The following RELL1 variants were observed in gnomAD, a reference collection of about 807,000 sequenced individuals.
The protein encoded by RELL1 is RELT like 1, also known as RELT-like protein 1.
In RELL1, 10 loss-of-function variants were observed where a neutral mutation model predicts 23.0. That is an observed-to-expected ratio of 0.43 (90% confidence interval 0.27 to 0.74). The LOEUF is 0.74. Ranked by LOEUF, RELL1 falls within the 30% of genes least tolerant of loss-of-function variation. The probability of loss-of-function intolerance (pLI) is 0.19; values close to 1 mark genes in which losing one functional copy is unlikely to be tolerated. For missense variants in RELL1, 315 were observed against 364.4 expected (o/e 0.86, Z 1.10); for synonymous variants, 146 against 146.8 (o/e 0.99, Z 0.04).
intron 1 of RELL1, among the ~76,000 whole-genome samples, chr4:37,671,417 G>A (rs1433126703): frequency 6.6e-6 from 1 of 152,194 alleles, no homozygotes; most frequent in Non-Finnish European, 1.5e-5. Flanking sequence ...ATAAAAGGGT[G>A]TGGTAAAGAA....
At chr4:37,656,150 A>G (rs555176772) in intron 1 of RELL1, among the ~76,000 whole-genome samples, 1 of 152,368 alleles carries the variant, frequency 6.6e-6, no homozygotes, top group Admixed American at 6.5e-5. Flanking sequence ...GTGGCATATG[A>G]AAATGGAATA....
rs750997004 is a variant in RELL1 at position 37,649,485 on chromosome 4, C to G, written c.104G>C (p.Arg35Pro). The G allele has an allele frequency of 6.2e-7, 1 of 1,613,590 alleles. No homozygotes were observed. Among genetic ancestry groups the G allele is most frequent in the South Asian group, 1.1e-5 (1 of 91,060 alleles). The change falls in exon 2 of 7, where the codon CGC (arginine) becomes CCC (proline). Residue 35 changes from arginine to proline, a missense_variant. Coordinates refer to ENST00000454158, the MANE Select transcript of RELL1 (RefSeq NM_001085400.2). The part of the protein sequence containing the change: ...PLVAPDNGSS[R>P]TLHSRTETTP... ...CGTCTCTGTTCTGGAGTGCAATGTGCGGCTGCTCCCATTGTCTACAGAAAG... is the reference window on the plus strand; with the variant it reads ...CGTCTCTGTTCTGGAGTGCAATGTGGGGCTGCTCCCATTGTCTACAGAAAG...
intron 6 of RELL1, 54 bp downstream of exon 6, chr4:37,631,331 C>T: frequency 6.5e-7 from 1 of 1,545,574 alleles, no homozygotes; most frequent in Non-Finnish European, 8.7e-7. Context: ...CTCCAAGTAC[C>T]TTCTCCTCAC....
chr4:37,646,610 C>G (rs1412504701), intron 3 of RELL1, among the ~76,000 whole-genome samples: 2 of 152,144 alleles, frequency 1.3e-5, no homozygotes, highest in African/African-American at 4.8e-5. Flanking sequence ...TATTTTACCA[C>G]AATTTTTTTA....
intron 2 of RELL1, among the ~76,000 whole-genome samples, chr4:37,648,081 C>T (rs1720772121): frequency 6.6e-6 from 1 of 152,214 alleles, no homozygotes; most frequent in Non-Finnish European, 1.5e-5. Flanking sequence ...AACGCTCCAT[C>T]CTAGTTCACA....
intron 4 of RELL1, among the ~76,000 whole-genome samples, chr4:37,637,490 C>G (rs762144764): frequency 9.8e-5 from 15 of 152,362 alleles, no homozygotes; most frequent in Middle Eastern, 3.4e-3. Context: ...CTACAGCCAG[C>G]CCTGACTCTT....
chr4:37,685,110 A>G (rs930573231), intron 1 of RELL1, among the ~76,000 whole-genome samples: 6 of 152,336 alleles, frequency 3.9e-5, no homozygotes, highest in Admixed American at 3.3e-4. Flanking sequence ...TCTGGTTTCT[A>G]TGAAAAAGTG....
At position 37,649,304 on chromosome 4, in the gene RELL1, A is replaced by G. The variant is rs773006554; in HGVS notation, c.285T>C (p.Asp95=). 2 of 1,614,196 alleles carry G rather than the reference A, an allele frequency of 1.2e-6. No individual in the cohort carries two copies. Among genetic ancestry groups the G allele is most frequent in the South Asian group, 1.1e-5 (1 of 91,082 alleles). ...TCTTTTCAACCTTTTCCTCTTCGAT[A>G]TCTTGCTCTGCTTCTGTTGTACAAC... is the stretch of plus-strand genomic sequence containing the variant. The part of the protein sequence containing the change: ...GYRCTTEAEQ[D]IEEEKVEKIE... Residue 95 remains aspartate, a synonymous_variant, in exon 2 of 7, where the codon GAT becomes GAC. Transcript: ENST00000454158.
downstream of RELL1, among the ~76,000 whole-genome samples, chr4:37,608,786 A>G (rs1719297273): frequency 6.6e-6 from 1 of 151,604 alleles, no homozygotes; most frequent in Non-Finnish European, 1.5e-5. Context: ...GTGCACCATT[A>G]TGCCCAGCTA....
chr4:37,655,523 A>G (rs1721089154), intron 1 of RELL1, among the ~76,000 whole-genome samples: 1 of 152,196 alleles, frequency 6.6e-6, no homozygotes, highest in South Asian at 2.1e-4. Flanking sequence ...ATTGCCAGCA[A>G]ATCACCAGAA....
chr4:37,622,608 G>A (rs762131256), intron 6 of RELL1, among the ~76,000 whole-genome samples: 25 of 152,012 alleles, frequency 1.6e-4, no homozygotes, highest in Admixed American at 8.5e-4. Flanking sequence ...ATGAACTCTC[G>A]GCATGATCTT....
downstream of RELL1, chr4:37,590,539 G>T: frequency 1.9e-6 from 3 of 1,614,208 alleles, no homozygotes; most frequent in South Asian, 2.2e-5. Flanking sequence ...GAGAAATGGA[G>T]ACTCCAGAGC....
intron 3 of RELL1, among the ~76,000 whole-genome samples, chr4:37,640,692 T>A (rs1028948331): frequency 1.3e-5 from 2 of 152,182 alleles, no homozygotes; most frequent in Non-Finnish European, 2.9e-5. Context: ...CTGTTTTATA[T>A]GGGAAATAAT....
Position 37,686,215 on chromosome 4 carries a change from G to A in RELL1, c.73C>T (p.Pro25Ser). Residue 25 changes from proline to serine, a missense_variant, in exon 1 of 7, where the codon CCG becomes TCG. By Grantham distance (74) the Pro-to-Ser change is moderately conservative (BLOSUM62 -1). Transcript: ENST00000454158. ...AVFVGGAVSSPLVAPDNGSSR... is the reference protein window; with the variant it reads ...AVFVGGAVSSSLVAPDNGSSR... The stretch of plus-strand genomic sequence containing the variant: ...GGACACTCACCCGGAGCCACCAGCG[G>A]CGAACTCACGGCGCCTCCCACGAAG... 1 of 1,580,702 alleles carries A rather than the reference G, an allele frequency of 6.3e-7. No individual in the cohort carries two copies. The highest frequency in any genetic ancestry group is 8.5e-7 in the Non-Finnish European group (1 of 1,171,634).
At chr4:37,589,157 T>C (rs987539089), downstream of RELL1, among the ~76,000 whole-genome samples, 13 of 152,336 alleles carry the variant, frequency 8.5e-5, no homozygotes, top group African/African-American at 3.1e-4. Flanking sequence ...TCTGGGTTTC[T>C]GAGGATGCCT....
At chr4:37,676,200 T>C (rs1722020473) in intron 1 of RELL1, among the ~76,000 whole-genome samples, 1 of 152,172 alleles carries the variant, frequency 6.6e-6, no homozygotes, top group Admixed American at 6.5e-5. Context: ...TCAGGGCATG[T>C]CATTTTGCTT....
chr4:37,616,524 G>T (rs1250036157), intron 6 of RELL1, among the ~76,000 whole-genome samples: 1 of 152,218 alleles, frequency 6.6e-6, no homozygotes, highest in Non-Finnish European at 1.5e-5. Flanking sequence ...TGCATGAACA[G>T]TTAAATGATG....
chr4:37,602,239 A>AAT (rs1553871297), intron 6 of RELL1, among the ~76,000 whole-genome samples: 7 of 148,688 alleles, frequency 4.7e-5, no homozygotes, highest in African/African-American at 1.5e-4. Flanking sequence ...AAAAAAAAAA[A>AAT]GCAACCAGCA....
chr4:37,604,170 C>G (rs1224761994), intron 6 of RELL1, among the ~76,000 whole-genome samples: 1 of 152,088 alleles, frequency 6.6e-6, no homozygotes, highest in African/African-American at 2.4e-5. Flanking sequence ...CCATGGGGAA[C>G]AGAAGGGTCA....
Sources: gnomAD v4.1 joint callset for allele counts (sites outside exome capture counted in the v4.1 genomes callset) on GRCh38, gnomAD v4.1.1 for gene constraint, MANE v1.5 for transcripts, NCBI Gene and HGNC (gene_info 2026-07-23, HGNC 2026-07-21) for gene names.